The following TDP1 variants were observed in gnomAD, a reference collection of about 807,000 sequenced individuals.
TDP1 encodes tyr-DNA phosphodiesterase 1.
TDP1 carries 64 observed loss-of-function variants against 81.5 expected under a neutral mutation model. The observed-to-expected ratio is 0.79, with a 90% CI of 0.64 to 0.97. The LOEUF (loss-of-function observed/expected upper bound fraction) is 0.97. TDP1 is among the 50% of genes least tolerant of loss of function. The pLI is 0.00. For missense variants in TDP1, 723 were observed against 743.8 expected (o/e 0.97, Z 0.33); for synonymous variants, 256 against 264.3 (o/e 0.97, Z 0.30).
chr14:89,999,853 T>A (rs1897038771), intron 14 of TDP1, among the ~76,000 whole-genome samples: 1 of 152,250 alleles, frequency 6.6e-6, no homozygotes, highest in Non-Finnish European at 1.5e-5. Context: ...ATAGACATTC[T>A]TTGTTTCCAG....
intron 16 of TDP1, among the ~76,000 whole-genome samples, chr14:90,041,618 A>G (rs1888363896): frequency 1.3e-5 from 2 of 152,226 alleles, no homozygotes; most frequent in South Asian, 4.1e-4. Flanking sequence ...GCGAGTTCGC[A>G]GTTGGGAGAC....
chr14:90,000,533 C>T (rs1406031764), intron 14 of TDP1, among the ~76,000 whole-genome samples: 3 of 152,036 alleles, frequency 2.0e-5, no homozygotes, highest in Admixed American at 6.6e-5. Flanking sequence ...TACAGGCATG[C>T]GCCACCAGAC....
At chr14:89,983,161 C>T (rs1895184737) in intron 8 of TDP1, 1 of 455,806 alleles carries the variant, frequency 2.2e-6, no homozygotes, top group Admixed American at 2.4e-5. Context: ...CTCACTCAGC[C>T]TGGGAACTTT....
chr14:90,042,709 T>C (rs564806172), intron 16 of TDP1: 1 of 185,548 alleles, frequency 5.4e-6, no homozygotes, highest in Non-Finnish European at 1.0e-5. Context: ...CCATCAGATC[T>C]TGTGTGAGAC....
intron 15 of TDP1, among the ~76,000 whole-genome samples, chr14:90,019,959 C>T (rs1192262395): frequency 6.6e-6 from 1 of 152,090 alleles, no homozygotes; most frequent in African/African-American, 2.4e-5. Flanking sequence ...TTTGGCTGGG[C>T]GGGGCCAGTG....
At chr14:89,977,538 T>C (rs1894489641) in intron 7 of TDP1, among the ~76,000 whole-genome samples, 1 of 152,196 alleles carries the variant, frequency 6.6e-6, no homozygotes, top group Non-Finnish European at 1.5e-5. Flanking sequence ...CCTCAGGTGA[T>C]CCACCCGCCT....
intron 16 of TDP1, among the ~76,000 whole-genome samples, chr14:90,035,732 C>CTTTTTTTT: frequency 7.7e-6 from 1 of 130,010 alleles, no homozygotes; most frequent in African/African-American, 4.0e-5. Context: ...TCCTTTTCTT[C>CTTTTTTTT]CTTTTTTTTT....
rs372239387 is a variant in TDP1, at chr14:90,006,279, T to G, written c.1541+12796T>G. 6.6e-5 allele frequency among the ~76,000 whole-genome samples: 10 copies of G among 152,314 alleles called. No individual in the cohort carries two copies. The East Asian group carries it at 1.9e-3, about 29-fold the overall frequency. On this transcript the variant is annotated intron_variant, in intron 14 of 16. Coordinates refer to ENST00000335725, the MANE Select transcript of TDP1 (RefSeq NM_018319.4). ...TTTTCATTTTTCTTTTCTTGCTGGC[T>G]TTTCTTTGTTAATACACTGTATCTG...
chr14:89,969,145 G>A (rs1893289153), intron 5 of TDP1, among the ~76,000 whole-genome samples: 4 of 152,112 alleles, frequency 2.6e-5, no homozygotes, highest in South Asian at 2.1e-4. Flanking sequence ...TGGACTTCTC[G>A]CCTCCAGACC....
chr14:90,027,781 G>A (rs1284854710), intron 15 of TDP1, among the ~76,000 whole-genome samples: 1 of 152,150 alleles, frequency 6.6e-6, no homozygotes, highest in African/African-American at 2.4e-5. Context: ...GTTGTACAAT[G>A]GAAACAATGT....
chr14:90,003,720 G>A (rs1441489846), intron 14 of TDP1, among the ~76,000 whole-genome samples: 1 of 152,192 alleles, frequency 6.6e-6, no homozygotes, highest in Admixed American at 6.5e-5. Flanking sequence ...GCAACTGACA[G>A]GCAATGCGGA....
At chr14:89,957,621 T>TAGTG (rs982921604) in intron 2 of TDP1, among the ~76,000 whole-genome samples, 8 of 152,164 alleles carry the variant, frequency 5.3e-5, no homozygotes, top group African/African-American at 1.9e-4. Flanking sequence ...GGGTCTCATA[T>TAGTG]AGTGGGGAGT....
At chr14:90,007,605 A>T (rs940810859) in intron 14 of TDP1, among the ~76,000 whole-genome samples, 2 of 151,970 alleles carry the variant, frequency 1.3e-5, no homozygotes, top group African/African-American at 4.8e-5. Flanking sequence ...GGAAACTGGG[A>T]CAAAGTAACT....
chr14:90,037,632 C>G (rs1490912187), intron 16 of TDP1, among the ~76,000 whole-genome samples: 3 of 152,188 alleles, frequency 2.0e-5, no homozygotes, highest in African/African-American at 7.2e-5. Flanking sequence ...ACATTTACAT[C>G]CTCTCTCATA....
intron 7 of TDP1, among the ~76,000 whole-genome samples, chr14:89,979,814 T>TA (rs1466730587): frequency 6.6e-6 from 1 of 151,724 alleles, no homozygotes; most frequent in African/African-American, 2.4e-5. Context: ...TCACTGCAAT[T>TA]AAAATAAGAG....
chr14:89,967,094 G>A (rs916941377), intron 4 of TDP1: 8 of 985,136 alleles, frequency 8.1e-6, no homozygotes, highest in African/African-American at 3.5e-5. Flanking sequence ...AACACCCTGC[G>A]GACAAGTACA....
In TDP1 at chr14:89,989,027, G is replaced by C. The variant is rs765070148; in HGVS notation, c.1254G>C (p.Glu418Asp). The C allele has an allele frequency of 3.7e-6, 6 of 1,614,034 alleles. No individual in the cohort carries two copies. Among genetic ancestry groups the C allele is most frequent in the Non-Finnish European group, 5.1e-6 (6 of 1,180,018 alleles). ...ESKWLCSEFK[E>D]SMLTLGKESK... ...AGTGGTTATGTTCTGAGTTTAAAGA[G>C]AGCATGCTGACACTGGGGAAGGAAA... is the stretch of plus-strand genomic sequence containing the variant. The change falls in exon 11 of 17, where the codon GAG (glutamate) becomes GAC (aspartate). Residue 418 changes from glutamate to aspartate, a missense_variant. Coordinates refer to ENST00000335725, the MANE Select transcript of TDP1 (RefSeq NM_018319.4).
chr14:90,029,728 A>G lies in TDP1; in HGVS notation c.1645-3378A>G, dbSNP rs564588563. 7.2e-5 allele frequency among the ~76,000 whole-genome samples: 11 copies of G among 151,944 alleles called. No homozygotes were observed. The East Asian group carries it at 2.1e-3, about 29-fold the overall frequency. On this transcript the variant is annotated intron_variant, in intron 15 of 16. Transcript: ENST00000335725. ...TGATCAGGCTGGTCTCGAACTCCTG[A>G]CCTCAGGTGATCCACCCGCCTTGGC...
At chr14:89,970,789 T>G in intron 5 of TDP1, 4 of 957,302 alleles carry the variant, frequency 4.2e-6, no homozygotes, top group Non-Finnish European at 5.0e-6. Flanking sequence ...TAGCATTCCT[T>G]AATGAGGCGA....
Sources: allele counts gnomAD v4.1 joint callset (sites outside exome capture counted in the v4.1 genomes callset), GRCh38; gene constraint gnomAD v4.1.1; transcripts MANE v1.5; gene names NCBI Gene and HGNC (gene_info 2026-07-23, HGNC 2026-07-21).